The following ACOXL variants were observed in gnomAD, a reference collection of about 807,000 sequenced individuals.
ACOXL encodes acyl-CoA oxidase like, also known as acyl-coenzyme A oxidase-like protein.
Under a neutral mutation model 71.9 loss-of-function variants are expected in ACOXL, and 70 were observed. The observed-to-expected ratio is 0.97, with a 90% CI of 0.80 to 1.19. ACOXL has a LOEUF of 1.19. Among genes scored for constraint, ACOXL ranks in the 50% most tolerant of loss-of-function variants. The pLI is 0.00. For synonymous variants in ACOXL, 253 were observed against 281.6 expected (o/e 0.90, Z 1.02); for missense variants, 703 against 736.3 (o/e 0.95, Z 0.52).
chr2:110,955,036 G>A (rs2149422881), intron 12 of ACOXL, among the ~76,000 whole-genome samples: 1 of 151,518 alleles, frequency 6.6e-6, no homozygotes, highest in African/African-American at 2.4e-5. Flanking sequence ...TATTTTATTT[G>A]TTGTCATGAC....
chr2:110,903,041 A>C (rs1042347763), intron 10 of ACOXL, among the ~76,000 whole-genome samples: 4 of 152,226 alleles, frequency 2.6e-5, no homozygotes, highest in African/African-American at 9.6e-5. Flanking sequence ...TTCTGGTTGC[A>C]GGGATACCTG....
intron 11 of ACOXL, among the ~76,000 whole-genome samples, chr2:110,909,178 G>T (rs950498734): frequency 4.6e-5 from 7 of 152,142 alleles, no homozygotes; most frequent in African/African-American, 1.7e-4. Flanking sequence ...CTTTGAGAAG[G>T]CAGGAGCCAA....
At chr2:110,807,770 C>T (rs1363360746) in intron 9 of ACOXL, among the ~76,000 whole-genome samples, 1 of 152,200 alleles carries the variant, frequency 6.6e-6, no homozygotes, top group Non-Finnish European at 1.5e-5. Flanking sequence ...ATGGCTCAAA[C>T]ACATGACATA....
At chr2:110,977,296 G>T (rs2062491604) in intron 12 of ACOXL, among the ~76,000 whole-genome samples, 1 of 151,736 alleles carries the variant, frequency 6.6e-6, no homozygotes, top group Non-Finnish European at 1.5e-5. Context: ...TGAGGCAGGA[G>T]AATGGCATGA....
At chr2:111,003,146 A>G (rs1406145120) in intron 14 of ACOXL, among the ~76,000 whole-genome samples, 1 of 151,946 alleles carries the variant, frequency 6.6e-6, no homozygotes, top group Non-Finnish European at 1.5e-5. Context: ...TCCTGTGTGT[A>G]TTTTCTGATT....
chr2:111,103,065 C>T (rs775972147), intron 17 of ACOXL, among the ~76,000 whole-genome samples: 4 of 151,990 alleles, frequency 2.6e-5, no homozygotes, highest in Non-Finnish European at 5.9e-5. Flanking sequence ...CTGAGGAGGG[C>T]GGATCACTTG....
intron 12 of ACOXL, among the ~76,000 whole-genome samples, chr2:110,967,600 A>T (rs1000124832): frequency 6.6e-6 from 1 of 152,236 alleles, no homozygotes; most frequent in Non-Finnish European, 1.5e-5. Context: ...TTTTACATGT[A>T]AATAATAAGA....
At chr2:110,790,398 A>C (rs1180017601) in intron 3 of ACOXL, among the ~76,000 whole-genome samples, 1 of 151,758 alleles carries the variant, frequency 6.6e-6, no homozygotes, top group African/African-American at 2.4e-5. Flanking sequence ...CCCAGCCCTC[A>C]GCTGTCTCAC....
At chr2:110,921,109 T>C (rs900340982) in intron 11 of ACOXL, among the ~76,000 whole-genome samples, 1 of 152,042 alleles carries the variant, frequency 6.6e-6, no homozygotes, top group Non-Finnish European at 1.5e-5. Flanking sequence ...GTTGTAACAT[T>C]CCCTTTTCTT....
intron 14 of ACOXL, among the ~76,000 whole-genome samples, chr2:111,001,604 A>G (rs1283155624): frequency 6.6e-6 from 1 of 152,172 alleles, no homozygotes; most frequent in East Asian, 1.9e-4. Context: ...TATATGGACC[A>G]CTGATTCCTG....
chr2:111,111,135 T>C (rs1189298978), intron 17 of ACOXL, among the ~76,000 whole-genome samples: 2 of 152,230 alleles, frequency 1.3e-5, no homozygotes, highest in Non-Finnish European at 2.9e-5. Flanking sequence ...GATCTCACTC[T>C]GTCACCCAGG....
At chr2:110,905,028 C>T (rs1427451329) in intron 10 of ACOXL, among the ~76,000 whole-genome samples, 1 of 152,014 alleles carries the variant, frequency 6.6e-6, no homozygotes, top group East Asian at 1.9e-4. Flanking sequence ...CCTCCAGGGT[C>T]AGTAAAGTCT....
chr2:111,002,345 A>G (rs781563394), intron 14 of ACOXL, among the ~76,000 whole-genome samples: 1 of 152,236 alleles, frequency 6.6e-6, no homozygotes, highest in Non-Finnish European at 1.5e-5. Context: ...CAAACAAACA[A>G]AAAACTGTTC....
chr2:111,115,021 G>C (rs1457584159), intron 17 of ACOXL, among the ~76,000 whole-genome samples: 1 of 152,132 alleles, frequency 6.6e-6, no homozygotes, highest in Non-Finnish European at 1.5e-5. Flanking sequence ...TAGAGCAATA[G>C]TGCCCATGTT....
chr2:111,093,565 T>C, intron 17 of ACOXL: 1 of 1,610,484 alleles, frequency 6.2e-7, no homozygotes, highest in South Asian at 1.1e-5. Flanking sequence ...ACAAAACCAC[T>C]TTAAAAACAT....
At position 110,784,757 on chromosome 2, in the gene ACOXL, G is replaced by A. The variant is rs1573500617; in HGVS notation, c.101G>A (p.Ser34Asn). The A allele has an allele frequency of 6.2e-7, 1 of 1,607,870 alleles. No homozygotes were observed. Among genetic ancestry groups the A allele is most frequent in the African/African-American group, 1.3e-5 (1 of 74,494 alleles). The change falls in exon 3 of 18, where the codon AGC becomes AAC. Residue 34 changes from serine to asparagine, a missense_variant. By Grantham distance (46) the Ser-to-Asn change is conservative (BLOSUM62 1). Transcript: ENST00000439055. ...GCAGAGAAAACAAAGAATTTTGTCA[G>A]CCGAAGCCTTGTCATAGGAGAAGTC... The part of the protein sequence containing the change: ...DLAEKTKNFV[S>N]RSLVIGEVLS...
chr2:111,093,039 C>A, intron 17 of ACOXL, 73 bp downstream of exon 17: 1 of 1,229,306 alleles, frequency 8.1e-7, no homozygotes, highest in East Asian at 2.4e-5. Context: ...GAAAACAGTC[C>A]TGCCAATCTT....
intron 12 of ACOXL, among the ~76,000 whole-genome samples, chr2:110,941,214 G>A (rs566918780): frequency 5.9e-5 from 9 of 152,170 alleles, no homozygotes; most frequent in South Asian, 4.2e-4. Flanking sequence ...ACATGTTCCC[G>A]GGAAGCCAGG....
In ACOXL at chr2:110,987,972, G is replaced by T. The variant is rs1024954999; in HGVS notation, c.1169+755G>T. Among the ~76,000 whole-genome samples, 5 of 152,248 alleles carry T rather than the reference G, an allele frequency of 3.3e-5. 1 individual carries two copies. Among genetic ancestry groups the T allele is most frequent in the Admixed American group, 3.3e-4 (5 of 15,298 alleles). On this transcript the variant is annotated intron_variant, in intron 13 of 17. Transcript: ENST00000439055. ...TTTCAAACTTAATTGACATTACTTA[G>T]AATAAGAAATACACTTTAAATCACC...
Sources: allele counts gnomAD v4.1 joint callset (sites outside exome capture counted in the v4.1 genomes callset), GRCh38; gene constraint gnomAD v4.1.1; transcripts MANE v1.5; gene names NCBI Gene and HGNC (gene_info 2026-07-23, HGNC 2026-07-21).